The following GLI3 variants were observed in gnomAD, a reference collection of about 807,000 sequenced individuals.
The protein encoded by GLI3 is transcription activator GLI3.
In GLI3, 20 loss-of-function variants were observed where a neutral mutation model predicts 100.8. That is an observed-to-expected ratio of 0.20 (90% CI 0.14 to 0.29). The LOEUF is 0.29. Among genes scored for constraint, GLI3 ranks in the 10% least tolerant of loss-of-function variants. GLI3 has a pLI of 1.00. For synonymous variants in GLI3, 938 were observed against 860.5 expected, an observed-to-expected ratio of 1.09 and a Z score of -1.58; for missense variants, 2,040 against 2,128.5, an observed-to-expected ratio of 0.96 and a Z score of 0.82.
At position 41,996,209 on chromosome 7, in the gene GLI3, C is replaced by A. The variant is rs150574450; in HGVS notation, c.1498-17461G>T. Among the ~76,000 whole-genome samples the A allele has an allele frequency of 2.1e-3, 324 of 152,242 alleles. 1 individual carries two copies. The highest frequency in any genetic ancestry group is 7.6e-3 in the African/African-American group (315 of 41,532). ...ACTATAATTCCCTCTTTATTTTGGTCTTGATCCATTCTTATTAAAATGAAC... is the reference window on the plus strand; with the variant it reads ...ACTATAATTCCCTCTTTATTTTGGTATTGATCCATTCTTATTAAAATGAAC... On this transcript the variant is annotated intron_variant, in intron 10 of 14. Transcript: ENST00000395925.
At chr7:42,047,230 C>CG (rs1350437136) in intron 5 of GLI3, among the ~76,000 whole-genome samples, 10 of 152,304 alleles carry the variant, frequency 6.6e-5, no homozygotes, top group Non-Finnish European at 1.2e-4. Flanking sequence ...TATTATTAAC[C>CG]AGTAAATTCA....
intron 2 of GLI3, among the ~76,000 whole-genome samples, chr7:42,155,123 G>T (rs906957466): frequency 2.0e-5 from 3 of 152,172 alleles, no homozygotes; most frequent in Non-Finnish European, 4.4e-5. Flanking sequence ...AGGTCCCAGG[G>T]TGAAAGGAGA....
intron 7 of GLI3, among the ~76,000 whole-genome samples, chr7:42,037,918 C>T (rs1459339089): frequency 6.6e-6 from 1 of 152,184 alleles, no homozygotes. Flanking sequence ...ATAAAGATAG[C>T]ATCATGACCA....
intron 3 of GLI3, among the ~76,000 whole-genome samples, chr7:42,124,450 C>T (rs3801198): frequency 3.9e-5 from 6 of 152,134 alleles, no homozygotes; most frequent in South Asian, 4.1e-4. Flanking sequence ...AAACCAACAC[C>T]GGAGAAGCTG....
chr7:42,107,791 T>C (rs1245898100), intron 3 of GLI3, among the ~76,000 whole-genome samples: 2 of 152,244 alleles, frequency 1.3e-5, no homozygotes, highest in Non-Finnish European at 2.9e-5. Context: ...TCTTCACGCC[T>C]GCTCAAAGAA....
intron 13 of GLI3, among the ~76,000 whole-genome samples, chr7:41,968,729 A>AAAGAAAG (rs1554305444): frequency 2.8e-5 from 3 of 107,470 alleles, no homozygotes; most frequent in African/African-American, 1.6e-4. Context: ...AGAAAGAAAG[A>AAAGAAAG]AAGAAAGAAA....
intron 4 of GLI3, among the ~76,000 whole-genome samples, chr7:42,050,473 TC>T (rs1784331971): frequency 6.6e-6 from 1 of 152,244 alleles, no homozygotes; most frequent in African/African-American, 2.4e-5. Flanking sequence ...TTTAGACGTG[TC>T]CGCCATTGGT....
intron 3 of GLI3, among the ~76,000 whole-genome samples, chr7:42,079,789 C>G (rs1286875945): frequency 6.6e-6 from 1 of 152,154 alleles, no homozygotes; most frequent in Non-Finnish European, 1.5e-5. Flanking sequence ...TGGGTGTCAA[C>G]TGTATCTGGT....
chr7:41,979,024 T>G (rs576597888), intron 10 of GLI3, among the ~76,000 whole-genome samples: 11 of 152,326 alleles, frequency 7.2e-5, no homozygotes, highest in Non-Finnish European at 1.3e-4. Context: ...ACTGGCCATC[T>G]GAAGAGCAGA....
chr7:42,051,817 T>A (rs1461278486), intron 4 of GLI3, among the ~76,000 whole-genome samples: 1 of 152,154 alleles, frequency 6.6e-6, no homozygotes, highest in Non-Finnish European at 1.5e-5. Flanking sequence ...AGTGGTGCAT[T>A]TGTTACGAGT....
intron 13 of GLI3, among the ~76,000 whole-genome samples, chr7:41,968,664 T>C (rs751471162): frequency 7.6e-6 from 1 of 132,090 alleles, no homozygotes; most frequent in African/African-American, 3.1e-5. Flanking sequence ...GCTTGTGCTA[T>C]ACCAAGAAAG....
chr7:42,217,664 G>A (rs1562790123), intron 2 of GLI3, among the ~76,000 whole-genome samples: 1 of 151,912 alleles, frequency 6.6e-6, no homozygotes, highest in Non-Finnish European at 1.5e-5. Context: ...CAGAAACTTT[G>A]TTTTTTTTAA....
At chr7:42,142,260 C>G (rs1168430970) in intron 3 of GLI3, among the ~76,000 whole-genome samples, 1 of 152,098 alleles carries the variant, frequency 6.6e-6, no homozygotes, top group East Asian at 1.9e-4. Context: ...AACAACTATA[C>G]AAGCAGGGCA....
In GLI3 at chr7:42,222,287, T is replaced by C. The variant is rs376342286; in HGVS notation, c.124+843A>G. On this transcript the variant is annotated intron_variant, in intron 2 of 14. Transcript: ENST00000395925. ...AATCAGTGTGCCCAGATAGGCAGTG[T>C]CCAGGAACGAGGAAAACGGGCCAGC... 2.6e-5 allele frequency among the ~76,000 whole-genome samples: 4 copies of C among 152,252 alleles called. No homozygotes were observed. The East Asian group carries it at 7.7e-4, about 29-fold the overall frequency.
chr7:42,181,747 C>T lies in GLI3; in HGVS notation c.125-33279G>A, dbSNP rs115067405. On this transcript the variant is annotated intron_variant, in intron 2 of 14. Transcript: ENST00000395925. ...ATTCCATTGCCCCACACTACATTCC[C>T]CTAAGATGACTATACCCATTTTGCA... is the stretch of plus-strand genomic sequence containing the variant. Among the ~76,000 whole-genome samples, 808 of 152,262 alleles carry T rather than the reference C, an allele frequency of 5.3e-3. 7 individuals are homozygous for T. The highest frequency in any genetic ancestry group is 0.019 in the African/African-American group (778 of 41,548).
chr7:42,057,495 C>T (rs921262386), intron 4 of GLI3, among the ~76,000 whole-genome samples: 1 of 152,228 alleles, frequency 6.6e-6, no homozygotes, highest in Non-Finnish European at 1.5e-5. Flanking sequence ...GAGACAATCA[C>T]GTGTGCATAT....
intron 3 of GLI3, among the ~76,000 whole-genome samples, chr7:42,085,642 C>A (rs1347709004): frequency 1.3e-5 from 2 of 152,158 alleles, no homozygotes; most frequent in African/African-American, 2.4e-5. Context: ...CCAGAGCACA[C>A]AGGACTTGGC....
At chr7:42,224,803 G>A (rs757563565) in intron 1 of GLI3, among the ~76,000 whole-genome samples, 3 of 152,212 alleles carry the variant, frequency 2.0e-5, no homozygotes, top group Non-Finnish European at 2.9e-5. Context: ...CCTGGGGCTA[G>A]CTGGCCAGTG....
At chr7:42,047,109 T>C (rs1292191617) in intron 5 of GLI3, among the ~76,000 whole-genome samples, 1 of 152,178 alleles carries the variant, frequency 6.6e-6, no homozygotes, top group Non-Finnish European at 1.5e-5. Context: ...TGAGCTGAGA[T>C]TGCACCAAGG....
Sources: gnomAD v4.1 joint callset for allele counts (sites outside exome capture counted in the v4.1 genomes callset) on GRCh38, gnomAD v4.1.1 for gene constraint, MANE v1.5 for transcripts, NCBI Gene and HGNC (gene_info 2026-07-23, HGNC 2026-07-21) for gene names.